The following FRMD4A variants were observed in gnomAD, a reference collection of about 807,000 sequenced individuals.
The protein encoded by FRMD4A is FERM domain-containing protein 4A.
A neutral mutation model predicts 129.1 loss-of-function variants in FRMD4A; 29 were observed. The ratio of observed to expected loss-of-function variants is 0.22; its 90% CI spans 0.17 to 0.31. The LOEUF (loss-of-function observed/expected upper bound fraction) is 0.31. Ranked by LOEUF, FRMD4A falls within the 10% of genes least tolerant of loss-of-function variation. FRMD4A has a pLI of 1.00. For missense variants in FRMD4A, 1,272 were observed against 1,375.8 expected (o/e 0.92, Z 1.19); for synonymous variants, 634 against 571.6 (o/e 1.11, Z -1.56).
intron 2 of FRMD4A, among the ~76,000 whole-genome samples, chr10:14,013,005 C>T (rs140244928): frequency 5.0e-4 from 76 of 152,266 alleles, no homozygotes; most frequent in Middle Eastern, 3.4e-3. Flanking sequence ...ATAATAGATG[C>T]TGTCGTGACA....
At chr10:13,875,782 A>G (rs1377892665) in intron 2 of FRMD4A, among the ~76,000 whole-genome samples, 2 of 152,210 alleles carry the variant, frequency 1.3e-5, no homozygotes, top group Non-Finnish European at 2.9e-5. Flanking sequence ...CTCTAGTGGT[A>G]GCGTGACCAT....
intron 2 of FRMD4A, among the ~76,000 whole-genome samples, chr10:14,045,816 T>C (rs1339479096): frequency 1.4e-5 from 2 of 146,040 alleles, no homozygotes; most frequent in East Asian, 1.9e-4. Flanking sequence ...AGAATAGATA[T>C]GTATTATATA....
At chr10:13,826,526 C>T (rs1424835982) in intron 3 of FRMD4A, among the ~76,000 whole-genome samples, 2 of 152,102 alleles carry the variant, frequency 1.3e-5, no homozygotes, top group African/African-American at 4.8e-5. Flanking sequence ...AAAGAAGTCC[C>T]TCTCCGGCCC....
chr10:13,867,682 AAT>A (rs1311602861), intron 2 of FRMD4A, among the ~76,000 whole-genome samples: 3 of 121,444 alleles, frequency 2.5e-5, no homozygotes, highest in African/African-American at 6.6e-5. Context: ...ATATATAATA[AAT>A]ATATATAATA....
chr10:13,651,235 A>G (rs1317614770), intron 24 of FRMD4A: 1 of 152,262 alleles, frequency 6.6e-6, no homozygotes, highest in East Asian at 1.9e-4. Context: ...GCTTATGGAC[A>G]TTTGGAAAAG....
chr10:14,240,390 C>G (rs1005918698), intron 2 of FRMD4A, among the ~76,000 whole-genome samples: 1 of 152,156 alleles, frequency 6.6e-6, no homozygotes, highest in Non-Finnish European at 1.5e-5. Context: ...TCAGGCTTCA[C>G]CCTAAACAAG....
At chr10:14,039,633 A>C (rs1833702419) in intron 2 of FRMD4A, among the ~76,000 whole-genome samples, 1 of 152,176 alleles carries the variant, frequency 6.6e-6, no homozygotes, top group South Asian at 2.1e-4. Flanking sequence ...CACTGAGATA[A>C]ATGCATATCT....
intron 21 of FRMD4A, 61 bp from the exon 22 acceptor site, chr10:13,657,583 C>T (rs1394152117): frequency 6.5e-6 from 8 of 1,231,522 alleles, no homozygotes; most frequent in African/African-American, 3.1e-5. Flanking sequence ...AGGGGTGCTC[C>T]GGGGAGGAGG....
intron 2 of FRMD4A, among the ~76,000 whole-genome samples, chr10:14,046,411 T>C (rs1326161562): frequency 6.6e-6 from 1 of 152,144 alleles, no homozygotes; most frequent in Admixed American, 6.5e-5. Context: ...ATGTATATGC[T>C]GTAGGAATGT....
chr10:13,985,584 G>C (rs1194638547), intron 2 of FRMD4A, among the ~76,000 whole-genome samples: 1 of 152,156 alleles, frequency 6.6e-6, no homozygotes, highest in East Asian at 1.9e-4. Flanking sequence ...TGTGAAGAAG[G>C]GCCCTGAGCT....
chr10:13,863,619 G>T (rs762170952), intron 2 of FRMD4A, among the ~76,000 whole-genome samples: 2 of 151,764 alleles, frequency 1.3e-5, no homozygotes, highest in Non-Finnish European at 2.9e-5. Flanking sequence ...CAAATGATAC[G>T]TATCCTAATT....
chr10:14,187,792 A>C (rs1842194691), intron 2 of FRMD4A, among the ~76,000 whole-genome samples: 8 of 152,270 alleles, frequency 5.3e-5, no homozygotes, highest in Non-Finnish European at 1.0e-4. Context: ...TGGGGGTTAG[A>C]AGTAGACTTG....
chr10:14,242,385 CT>C (rs1255001828), intron 2 of FRMD4A, among the ~76,000 whole-genome samples: 3 of 152,144 alleles, frequency 2.0e-5, no homozygotes, highest in African/African-American at 7.2e-5. Context: ...TCACAAATCT[CT>C]AAGGGACTGC....
chr10:13,942,346 T>G (rs906777856), intron 2 of FRMD4A, among the ~76,000 whole-genome samples: 1 of 152,134 alleles, frequency 6.6e-6, no homozygotes, highest in African/African-American at 2.4e-5. Context: ...AGGGCGAACC[T>G]GCAATGGGGG....
chr10:14,230,075 G>T (rs1459697237), intron 2 of FRMD4A, among the ~76,000 whole-genome samples: 3 of 152,178 alleles, frequency 2.0e-5, no homozygotes, highest in African/African-American at 7.2e-5. Flanking sequence ...CTTATAAATA[G>T]TTACTACCCA....
chr10:13,752,329 A>G (rs746964034), intron 8 of FRMD4A, among the ~76,000 whole-genome samples: 11 of 152,224 alleles, frequency 7.2e-5, no homozygotes, highest in Non-Finnish European at 1.3e-4. Flanking sequence ...CAAATAGAGA[A>G]TTTGCCACAG....
chr10:13,824,496 A>G (rs1365368903), intron 3 of FRMD4A, among the ~76,000 whole-genome samples: 1 of 151,844 alleles, frequency 6.6e-6, no homozygotes, highest in Non-Finnish European at 1.5e-5. Context: ...TCTCAAAACA[A>G]AAAATAATAA....
intron 12 of FRMD4A, chr10:13,707,969 G>A: frequency 1.2e-6 from 1 of 807,422 alleles, no homozygotes; most frequent in Non-Finnish European, 1.5e-6. Context: ...TCCTTTCATT[G>A]GATGAAAAAG....
intron 2 of FRMD4A, among the ~76,000 whole-genome samples, chr10:14,157,928 A>C (rs1462537633): frequency 6.6e-6 from 1 of 152,170 alleles, no homozygotes; most frequent in Non-Finnish European, 1.5e-5. Context: ...GGGACAATAG[A>C]ATTTTCAGCA....
Sources: allele counts gnomAD v4.1 joint callset (sites outside exome capture counted in the v4.1 genomes callset), GRCh38; gene constraint gnomAD v4.1.1; transcripts MANE v1.5; gene names NCBI Gene and HGNC (gene_info 2026-07-23, HGNC 2026-07-21).